Variants in KIF16B observed in about 807,000 individuals in gnomAD.
The protein encoded by KIF16B is kinesin-like protein KIF16B.
In KIF16B, 98 loss-of-function variants were observed where a neutral mutation model predicts 156.3. The observed-to-expected ratio is 0.63, with a 90% CI of 0.53 to 0.74. The LOEUF (loss-of-function observed/expected upper bound fraction) is 0.74, where lower values mean the gene tolerates loss of function less well. Ranked by LOEUF, KIF16B falls within the 30% of genes least tolerant of loss-of-function variation. KIF16B has a pLI of 0.00. For missense variants in KIF16B, 1,421 were observed against 1,606.5 expected, an observed-to-expected ratio of 0.88 and a Z score of 1.97; for synonymous variants, 564 against 583.7, an observed-to-expected ratio of 0.97 and a Z score of 0.49.
chr20:16,381,809 C>T, intron 17 of KIF16B, 62 bp from the exon 18 acceptor site: 1 of 1,336,260 alleles, frequency 7.5e-7, no homozygotes, highest in Non-Finnish European at 1.1e-6. Context: ...CTCTCTCACT[C>T]TCTGTATACA....
At chr20:16,407,258 G>A (rs1288637584) in intron 15 of KIF16B, among the ~76,000 whole-genome samples, 3 of 152,170 alleles carry the variant, frequency 2.0e-5, no homozygotes, top group African/African-American at 4.8e-5. Context: ...TGTCACCAGA[G>A]GCATGTAAGA....
Position 16,457,043 on chromosome 20 carries a change from C to T in KIF16B, c.1303-27061G>A, listed in dbSNP as rs188741329. ...TCCTCCTTTTCTCCAATGGCTTTTA[C>T]TTACAAGCTAGCTCTGGTAAGACAA... On this transcript the variant is annotated intron_variant, in intron 12 of 25. Coordinates refer to ENST00000354981, the MANE Select transcript of KIF16B (RefSeq NM_024704.5). 4.1e-3 allele frequency among the ~76,000 whole-genome samples: 625 copies of T among 152,310 alleles called. 1 individual carries two copies. Among genetic ancestry groups the T allele is most frequent in the Middle Eastern group, 0.02 (6 of 294 alleles).
Position 16,380,038 on chromosome 20 carries a change from T to C in KIF16B, c.1964A>G (p.Glu655Gly), listed in dbSNP as rs1279347033. 6.3e-7 allele frequency: 1 copy of C among 1,582,614 alleles called. No homozygotes were observed. Among genetic ancestry groups the C allele is most frequent in the Non-Finnish European group, 8.6e-7 (1 of 1,167,550 alleles). ...GAAGCTGCGGCGTTTGAGGCTCTCC[T>C]CCTGCTTGCGAATCTGGAGCTGCAC... The part of the protein sequence containing the change: ...EIVQLQIRKQ[E>G]ESLKRRSFHI... Residue 655 changes from glutamate (E) to glycine (G), a missense_variant, in exon 19 of 26, where the codon GAG becomes GGG. Physicochemically the swap from Glu to Gly is moderately conservative, Grantham distance 98. Coordinates refer to ENST00000354981, the MANE Select transcript of KIF16B (RefSeq NM_024704.5).
chr20:16,328,419 A>C (rs1029974995), intron 24 of KIF16B, among the ~76,000 whole-genome samples: 1 of 152,228 alleles, frequency 6.6e-6, no homozygotes, highest in Non-Finnish European at 1.5e-5. Flanking sequence ...TTATACTCTC[A>C]TGATGCACAG....
intron 1 of KIF16B, among the ~76,000 whole-genome samples, chr20:16,553,833 GACAGGAGCA>G (rs2070750741): frequency 2.5e-5 from 1 of 40,590 alleles, no homozygotes; most frequent in Non-Finnish European, 6.0e-5. Flanking sequence ...GCCAGGAGCA[GACAGGAGCA>G]GACAGGAGCA....
At chr20:16,506,291 C>G in intron 7 of KIF16B, 101 bp from the exon 8 acceptor site, 1 of 980,904 alleles carries the variant, frequency 1.0e-6, no homozygotes, top group Non-Finnish European at 1.6e-6. Context: ...TGAGATCTCT[C>G]AGGGTAGATA....
chr20:16,377,285 A>T (rs929765456), intron 19 of KIF16B, among the ~76,000 whole-genome samples: 6 of 152,038 alleles, frequency 3.9e-5, no homozygotes, highest in African/African-American at 1.5e-4. Flanking sequence ...CTGAGCAGGG[A>T]GTGGTGGCTC....
chr20:16,350,851 T>A (rs1177740634), intron 23 of KIF16B, among the ~76,000 whole-genome samples: 1 of 139,210 alleles, frequency 7.2e-6, no homozygotes, highest in African/African-American at 2.7e-5. Flanking sequence ...TGCTGGGTGA[T>A]CCACTGGGTG....
chr20:16,312,228 T>C, intron 25 of KIF16B, 107 bp downstream of exon 25: 1 of 729,734 alleles, frequency 1.4e-6, no homozygotes, highest in East Asian at 2.7e-5. Context: ...TGAGGCAGCA[T>C]CTTCACACTT....
intron 1 of KIF16B, among the ~76,000 whole-genome samples, chr20:16,558,049 G>A (rs2070918003): frequency 6.6e-6 from 1 of 152,192 alleles, no homozygotes; most frequent in African/African-American, 2.4e-5. Flanking sequence ...CAGCAATAGG[G>A]GGCACTATTT....
At chr20:16,283,469 G>T (rs1033488761) in intron 25 of KIF16B, among the ~76,000 whole-genome samples, 2 of 152,264 alleles carry the variant, frequency 1.3e-5, no homozygotes, top group Middle Eastern at 3.4e-3. Flanking sequence ...GTGTGTAGGC[G>T]GTGACCAGCA....
At chr20:16,552,985 C>T (rs191985761) in intron 1 of KIF16B, among the ~76,000 whole-genome samples, 22 of 152,046 alleles carry the variant, frequency 1.4e-4, no homozygotes, top group Admixed American at 1.0e-3. Context: ...AGGCTGGTCT[C>T]GAACTCCTGA....
intron 17 of KIF16B, among the ~76,000 whole-genome samples, chr20:16,399,282 G>A (rs979249975): frequency 1.3e-5 from 2 of 152,108 alleles, no homozygotes; most frequent in African/African-American, 2.4e-5. Flanking sequence ...GCACAGGTCT[G>A]GGGTGACATG....
At chr20:16,478,249 A>G (rs1222193320) in intron 12 of KIF16B, among the ~76,000 whole-genome samples, 1 of 152,188 alleles carries the variant, frequency 6.6e-6, no homozygotes, top group Non-Finnish European at 1.5e-5. Context: ...TCAAAATAGA[A>G]CCATAACGTG....
chr20:16,526,979 A>G (rs1358065195), intron 2 of KIF16B, among the ~76,000 whole-genome samples: 2 of 152,262 alleles, frequency 1.3e-5, no homozygotes, highest in Non-Finnish European at 2.9e-5. Context: ...TAAAAAACTC[A>G]AAAAGCAACA....
intron 25 of KIF16B, among the ~76,000 whole-genome samples, chr20:16,279,855 G>T (rs2063120056): frequency 6.6e-6 from 1 of 152,130 alleles, no homozygotes; most frequent in Admixed American, 6.5e-5. Context: ...TGGTCTACTG[G>T]CTGTGTTAAT....
intron 25 of KIF16B, 47 bp downstream of exon 25, chr20:16,312,288 G>T (rs2063630673): frequency 1.5e-6 from 2 of 1,345,860 alleles, no homozygotes; most frequent in South Asian, 2.4e-5. Context: ...CCGGTCAGAT[G>T]GTACATTTTC....
At chr20:16,287,488 T>G (rs966104651) in intron 25 of KIF16B, among the ~76,000 whole-genome samples, 1 of 152,234 alleles carries the variant, frequency 6.6e-6, no homozygotes, top group African/African-American at 2.4e-5. Flanking sequence ...TTACGGCTAT[T>G]CAGAGAATCT....
chr20:16,531,528 GT>G lies in KIF16B; in HGVS notation c.48-3089del, dbSNP rs558342173. Among the ~76,000 whole-genome samples the G allele has an allele frequency of 1.6e-4, 24 of 152,278 alleles. No homozygotes were observed. The East Asian group carries it at 4.6e-3, about 29-fold the overall frequency. ...GAAGTACCAACGCGACTGCCCCAGG[GT>G]TCCTGTCCTTCCCTCCCAGGGATGG... is the stretch of plus-strand genomic sequence containing the variant. On this transcript the variant is annotated intron_variant, in intron 1 of 25. Transcript: ENST00000354981.
Sources: gnomAD v4.1 joint callset for allele counts (sites outside exome capture counted in the v4.1 genomes callset) on GRCh38, gnomAD v4.1.1 for gene constraint, MANE v1.5 for transcripts, NCBI Gene and HGNC (gene_info 2026-07-23, HGNC 2026-07-21) for gene names.